The following VPS13B variants were observed in gnomAD, a reference collection of about 807,000 sequenced individuals.
VPS13B encodes the protein vacuolar protein sorting 13 homolog B.
In VPS13B, 285 loss-of-function variants were observed where a neutral mutation model predicts 426.4. The ratio of observed to expected loss-of-function variants is 0.67; its 90% CI spans 0.61 to 0.74. The LOEUF is 0.74. VPS13B is among the 30% of genes least tolerant of loss of function. The pLI is 0.00. For missense variants in VPS13B, 4,537 were observed against 4,782.6 expected (o/e 0.95, Z 1.51); for synonymous variants, 1,676 against 1,676.4 (o/e 1.00, Z 0.01).
chr8:99,226,506 G>A (rs770344966), intron 17 of VPS13B, among the ~76,000 whole-genome samples: 28 of 152,010 alleles, frequency 1.8e-4, no homozygotes, highest in Non-Finnish European at 2.8e-4. Flanking sequence ...GTGATTTATT[G>A]TTTCTTAGAT....
intron 30 of VPS13B, among the ~76,000 whole-genome samples, chr8:99,534,732 C>G (rs1823107502): frequency 6.6e-6 from 1 of 151,938 alleles, no homozygotes; most frequent in Non-Finnish European, 1.5e-5. Flanking sequence ...GACAATTGTC[C>G]AAAATATGGT....
At chr8:99,087,402 TCCAGGGTGAGGC>T (rs1375102479) in intron 3 of VPS13B, among the ~76,000 whole-genome samples, 1 of 152,010 alleles carries the variant, frequency 6.6e-6, no homozygotes, top group African/African-American at 2.4e-5. Flanking sequence ...CCCTTGCACT[TCCAGGGTGAGGC>T]AGTGCCTCAC....
chr8:99,233,341 T>C, intron 17 of VPS13B: 2 of 1,058,086 alleles, frequency 1.9e-6, no homozygotes, highest in Non-Finnish European at 1.5e-6. Context: ...TTCTTTGGGG[T>C]TAAAGAAGTT....
intron 39 of VPS13B, among the ~76,000 whole-genome samples, chr8:99,727,516 A>G (rs753914467): frequency 1.3e-5 from 2 of 152,248 alleles, no homozygotes; most frequent in Non-Finnish European, 2.9e-5. Flanking sequence ...GGCAGAAGAC[A>G]AAAAGGAGCA....
At chr8:99,060,765 G>T (rs978634727) in intron 3 of VPS13B, among the ~76,000 whole-genome samples, 8 of 151,776 alleles carry the variant, frequency 5.3e-5, no homozygotes, top group African/African-American at 1.7e-4. Flanking sequence ...TTTAGTTCTT[G>T]TTTGCCATAA....
At chr8:99,394,619 T>G (rs943981441) in intron 21 of VPS13B, among the ~76,000 whole-genome samples, 62 of 152,336 alleles carry the variant, frequency 4.1e-4, no homozygotes, top group African/African-American at 1.4e-3. Flanking sequence ...CTAAGAGCTA[T>G]GCCATTTGTT....
intron 57 of VPS13B, among the ~76,000 whole-genome samples, chr8:99,860,480 C>G (rs888828668): frequency 1.3e-5 from 2 of 152,204 alleles, no homozygotes; most frequent in East Asian, 1.9e-4. Flanking sequence ...AATAAGACAA[C>G]TAACACCTGC....
intron 30 of VPS13B, among the ~76,000 whole-genome samples, chr8:99,525,116 G>GT (rs1257078949): frequency 6.6e-6 from 1 of 152,164 alleles, no homozygotes; most frequent in Non-Finnish European, 1.5e-5. Context: ...ACTGGTAATA[G>GT]TAAGTACACA....
At chr8:99,833,212 G>C (rs1390972205) in intron 52 of VPS13B, among the ~76,000 whole-genome samples, 1 of 149,902 alleles carries the variant, frequency 6.7e-6, no homozygotes, top group Admixed American at 6.6e-5. Flanking sequence ...CCGATTACCA[G>C]TTATGCAAAT....
intron 54 of VPS13B, among the ~76,000 whole-genome samples, chr8:99,837,025 C>T (rs886782817): frequency 4.6e-5 from 7 of 152,184 alleles, no homozygotes; most frequent in African/African-American, 1.7e-4. Context: ...TACATGAAAC[C>T]CCTTGGAACC....
chr8:99,291,675 T>G (rs963073436), intron 19 of VPS13B, among the ~76,000 whole-genome samples: 2 of 152,080 alleles, frequency 1.3e-5, no homozygotes, highest in African/African-American at 2.4e-5. Flanking sequence ...AAAAAGAGAT[T>G]AATTTGAATT....
chr8:99,312,218 T>C (rs565341827), intron 19 of VPS13B, among the ~76,000 whole-genome samples: 1 of 152,324 alleles, frequency 6.6e-6, no homozygotes, highest in Admixed American at 6.5e-5. Context: ...ATTATGATGT[T>C]AGCTGGTTAT....
At chr8:99,425,024 G>A (rs1317923754) in intron 21 of VPS13B, among the ~76,000 whole-genome samples, 1 of 152,156 alleles carries the variant, frequency 6.6e-6, no homozygotes, top group Non-Finnish European at 1.5e-5. Flanking sequence ...GGAAGAAGTT[G>A]CATCTCTGAA....
rs570705562 is a variant in VPS13B, at chr8:99,086,540, T to A, written c.292-9772T>A. ...TTTGGAGGAGGAGAGGTGCTCTGAT[T>A]TTTAGAGTTTCCAGTTTTTCTGTTG... On this transcript the variant is annotated intron_variant, in intron 3 of 61. Transcript: ENST00000357162. Among the ~76,000 whole-genome samples the A allele has an allele frequency of 8.8e-4, 134 of 152,300 alleles. 2 individuals are homozygous for A. The highest frequency in any genetic ancestry group is 3.2e-3 in the African/African-American group (132 of 41,566).
At chr8:99,731,926 G>C (rs967874877) in intron 39 of VPS13B, among the ~76,000 whole-genome samples, 13 of 152,238 alleles carry the variant, frequency 8.5e-5, no homozygotes, top group African/African-American at 2.9e-4. Context: ...AGAAAGTGTT[G>C]CTATCCCCCT....
chr8:99,428,830 C>G (rs1433480094), intron 21 of VPS13B, among the ~76,000 whole-genome samples: 1 of 152,210 alleles, frequency 6.6e-6, no homozygotes, highest in East Asian at 1.9e-4. Flanking sequence ...CACATGCACA[C>G]GTATGTTTAT....
chr8:99,517,604 A>G (rs1822155698), intron 29 of VPS13B, among the ~76,000 whole-genome samples: 1 of 152,156 alleles, frequency 6.6e-6, no homozygotes, highest in Non-Finnish European at 1.5e-5. Context: ...TGCAGTTACT[A>G]TCAGGATTCT....
intron 7 of VPS13B, among the ~76,000 whole-genome samples, chr8:99,120,819 G>A (rs1364003782): frequency 2.0e-5 from 3 of 152,032 alleles, no homozygotes; most frequent in African/African-American, 4.8e-5. Context: ...CAATATATCA[G>A]CCTTATTTTT....
At position 99,274,328 on chromosome 8, in the gene VPS13B, C is replaced by T. The variant is rs369124790; in HGVS notation, c.2646C>T (p.Ala882=). 4 of 1,613,990 alleles carry T rather than the reference C, an allele frequency of 2.5e-6. No homozygotes were observed. Among genetic ancestry groups the T allele is most frequent in the Admixed American group, 1.7e-5 (1 of 59,992 alleles). Residue 882 remains alanine (A), a synonymous_variant, in exon 18 of 62, where the codon GCC becomes GCT. Coordinates refer to ENST00000357162, the MANE Select transcript of VPS13B (RefSeq NM_152564.5). ...TMGSIKICAK[A]PVDSGKEKLI... is the part of the protein sequence containing the mutation. ...GATCAATAAAAATTTGTGCCAAAGC[C>T]CCAGGTATGTGCAGCTGGACCGTGT...
Sources: gnomAD v4.1 joint callset for allele counts (sites outside exome capture counted in the v4.1 genomes callset) on GRCh38, gnomAD v4.1.1 for gene constraint, MANE v1.5 for transcripts, NCBI Gene and HGNC (gene_info 2026-07-23, HGNC 2026-07-21) for gene names.